The following PLCH1 variants were observed in gnomAD, a reference collection of about 807,000 sequenced individuals.
PLCH1 encodes phospholipase C eta 1.
Under a neutral mutation model 126.7 loss-of-function variants are expected in PLCH1, and 60 were observed. The observed-to-expected ratio is 0.47, with a 90% CI of 0.38 to 0.59. PLCH1 has a LOEUF of 0.59. PLCH1 is among the 20% of genes least tolerant of loss of function. PLCH1 has a pLI of 0.00. For missense variants in PLCH1, 1,723 were observed against 2,040.0 expected (o/e 0.84, Z 2.99); for synonymous variants, 719 against 734.9 (o/e 0.98, Z 0.35).
At chr3:155,590,111 C>T (rs1371774500) in intron 4 of PLCH1, among the ~76,000 whole-genome samples, 8 of 152,178 alleles carry the variant, frequency 5.3e-5, no homozygotes, top group Non-Finnish European at 8.8e-5. Context: ...AAATAAGTTA[C>T]GCTCTAGACT....
chr3:155,600,702 T>G (rs865829545), intron 2 of PLCH1, among the ~76,000 whole-genome samples: 3 of 152,156 alleles, frequency 2.0e-5, no homozygotes, highest in Non-Finnish European at 4.4e-5. Context: ...GCTCTAGACC[T>G]TCACACTTGT....
chr3:155,486,146 C>T, intron 21 of PLCH1: 1 of 1,534,682 alleles, frequency 6.5e-7, no homozygotes, highest in Non-Finnish European at 8.8e-7. Flanking sequence ...TGAGAAACTA[C>T]CTTTGTAGCT....
At chr3:155,619,159 A>G (rs1018720997) in intron 2 of PLCH1, among the ~76,000 whole-genome samples, 1 of 45,778 alleles carries the variant, frequency 2.2e-5, no homozygotes, top group East Asian at 2.1e-3. Context: ...TCTATAGGAT[A>G]CTTACACAGT....
chr3:155,527,358 C>T (rs1722087257), intron 10 of PLCH1, among the ~76,000 whole-genome samples: 1 of 152,180 alleles, frequency 6.6e-6, no homozygotes, highest in Non-Finnish European at 1.5e-5. Context: ...TTACCCCTTT[C>T]AGAATTCTGG....
intron 22 of PLCH1, chr3:155,483,425 C>T: frequency 7.2e-7 from 1 of 1,387,940 alleles, no homozygotes; most frequent in Non-Finnish European, 9.9e-7. Flanking sequence ...CTCTGTTAAA[C>T]AAAGCATTGT....
At chr3:155,739,489 G>A (rs909394748) in intron 1 of PLCH1, among the ~76,000 whole-genome samples, 4 of 152,092 alleles carry the variant, frequency 2.6e-5, no homozygotes, top group East Asian at 1.9e-4. Context: ...AAACAAAGTC[G>A]TGAATGTTTT....
intron 10 of PLCH1, among the ~76,000 whole-genome samples, chr3:155,541,045 G>T (rs188505370): frequency 1.3e-5 from 2 of 152,118 alleles, no homozygotes; most frequent in Non-Finnish European, 2.9e-5. Context: ...ATACACCGTG[G>T]AATACTACTC....
In PLCH1 at chr3:155,675,345, A is replaced by G. The variant is rs76430740; in HGVS notation, c.79+28801T>C. Among the ~76,000 whole-genome samples the G allele has an allele frequency of 3.0e-3, 454 of 152,318 alleles. 2 individuals carry two copies. Among genetic ancestry groups the G allele is most frequent in the African/African-American group, 0.01 (423 of 41,570 alleles). On this transcript the variant is annotated intron_variant, in intron 2 of 22. Transcript: ENST00000460012. ...TGACCAGGAAGGAATAATTCTTATA[A>G]TTCAAGAACAATCTCCATAGATTTT...
chr3:155,651,481 G>A (rs1414045532), intron 2 of PLCH1, among the ~76,000 whole-genome samples: 1 of 152,030 alleles, frequency 6.6e-6, no homozygotes, highest in Non-Finnish European at 1.5e-5. Flanking sequence ...GGGGTGGCGT[G>A]GAGGAGTATG....
chr3:155,524,112 T>A (rs1721582658), intron 10 of PLCH1, 108 bp from the exon 11 acceptor site: 5 of 727,976 alleles, frequency 6.9e-6, no homozygotes, highest in South Asian at 1.6e-5. Flanking sequence ...AAACAAAACG[T>A]GTATGTACAT....
intron 2 of PLCH1, among the ~76,000 whole-genome samples, chr3:155,652,737 C>A (rs1172466193): frequency 6.6e-6 from 1 of 152,168 alleles, no homozygotes; most frequent in African/African-American, 2.4e-5. Flanking sequence ...GGCTCTGACA[C>A]CTGCTACCTC....
chr3:155,457,952 G>A (rs1360241111), intron 21 of PLCH1, among the ~76,000 whole-genome samples: 2 of 152,148 alleles, frequency 1.3e-5, no homozygotes, highest in Non-Finnish European at 2.9e-5. Flanking sequence ...ACCAACTGAG[G>A]AGTTCCCGTG....
intron 2 of PLCH1, among the ~76,000 whole-genome samples, chr3:155,685,490 A>G (rs960141993): frequency 1.3e-5 from 2 of 152,220 alleles, no homozygotes. Flanking sequence ...GGACAAGTCA[A>G]TTCCAAATCC....
chr3:155,541,839 A>AC (rs1724288658), intron 10 of PLCH1, among the ~76,000 whole-genome samples: 1 of 131,170 alleles, frequency 7.6e-6, no homozygotes, highest in Non-Finnish European at 1.7e-5. Context: ...CACTCACACA[A>AC]AATGCAGTGT....
intron 21 of PLCH1, among the ~76,000 whole-genome samples, chr3:155,463,425 C>A (rs991657558): frequency 1.3e-5 from 2 of 152,122 alleles, no homozygotes; most frequent in Admixed American, 1.3e-4. Flanking sequence ...AGTACCTAGC[C>A]CAGACTAGAT....
At chr3:155,649,881 G>C (rs1338914630) in intron 2 of PLCH1, among the ~76,000 whole-genome samples, 1 of 152,126 alleles carries the variant, frequency 6.6e-6, no homozygotes, top group African/African-American at 2.4e-5. Context: ...GGGAGGCTGA[G>C]ACAGGAGAAT....
At position 155,543,020 on chromosome 3, in the gene PLCH1, G is replaced by A. The variant is rs150125116; in HGVS notation, c.1362+6767C>T. Among the ~76,000 whole-genome samples the A allele has an allele frequency of 3.1e-3, 467 of 152,312 alleles. 2 individuals are homozygous for A. Among genetic ancestry groups the A allele is most frequent in the South Asian group, 0.019 (93 of 4,828 alleles). On this transcript the variant is annotated intron_variant, in intron 10 of 22. Coordinates refer to ENST00000460012, the MANE Select transcript of PLCH1 (RefSeq NM_014996.4). Reference sequence around the variant, plus strand: ...AGGAACGCAGCTCCTCACCAGCAACGGAACAAAGCTGGATGGACAATGACT... The same window carrying A: ...AGGAACGCAGCTCCTCACCAGCAACAGAACAAAGCTGGATGGACAATGACT...
At chr3:155,652,066 T>G (rs1207677217) in intron 2 of PLCH1, among the ~76,000 whole-genome samples, 1 of 152,236 alleles carries the variant, frequency 6.6e-6, no homozygotes, top group Non-Finnish European at 1.5e-5. Flanking sequence ...TCGAATCATC[T>G]GAAATGAGCA....
At chr3:155,665,252 T>A (rs1220781926) in intron 2 of PLCH1, among the ~76,000 whole-genome samples, 1 of 152,100 alleles carries the variant, frequency 6.6e-6, no homozygotes, top group Non-Finnish European at 1.5e-5. Context: ...TGTATTAGAC[T>A]GGGAAAGCAG....
Sources: gnomAD v4.1 joint callset for allele counts (sites outside exome capture counted in the v4.1 genomes callset) on GRCh38, gnomAD v4.1.1 for gene constraint, MANE v1.5 for transcripts, NCBI Gene and HGNC (gene_info 2026-07-23, HGNC 2026-07-21) for gene names.